Variants in CUL3 observed in about 807,000 individuals in gnomAD.
CUL3 encodes the protein cullin-3.
Under a neutral mutation model 89.1 loss-of-function variants are expected in CUL3, and 19 were observed. That is an observed-to-expected ratio of 0.21 (90% CI 0.15 to 0.31). CUL3 has a LOEUF of 0.31. Among genes scored for constraint, CUL3 ranks in the 10% least tolerant of loss-of-function variants. The pLI, the probability that CUL3 is intolerant of heterozygous loss-of-function variation, is 1.00. For synonymous variants in CUL3, 351 were observed against 308.4 expected (o/e 1.14, Z -1.45); for missense variants, 469 against 942.3 (o/e 0.50, Z 6.58).
chr2:224,547,259 ACC>A (rs1453172877), intron 2 of CUL3, among the ~76,000 whole-genome samples: 1 of 152,140 alleles, frequency 6.6e-6, no homozygotes, highest in East Asian at 1.9e-4. Flanking sequence ...ATCTAGCCCA[ACC>A]CACTTTACTA....
intron 10 of CUL3, among the ~76,000 whole-genome samples, chr2:224,501,090 T>C (rs1692369337): frequency 6.6e-6 from 1 of 152,208 alleles, no homozygotes; most frequent in South Asian, 2.1e-4. Context: ...AACTGAAAAG[T>C]TTGGGCCTTT....
chr2:224,556,958 T>TA (rs1694731319), intron 2 of CUL3, among the ~76,000 whole-genome samples: 1 of 152,050 alleles, frequency 6.6e-6, no homozygotes, highest in Admixed American at 6.6e-5. Flanking sequence ...AAATAAAACT[T>TA]AAAAAATAAA....
At chr2:224,575,046 C>T (rs975742809) in intron 1 of CUL3, among the ~76,000 whole-genome samples, 1 of 152,144 alleles carries the variant, frequency 6.6e-6, no homozygotes, top group Non-Finnish European at 1.5e-5. Flanking sequence ...CATTTTCCTT[C>T]TCTGAGACCA....
At chr2:224,575,121 T>G (rs771906702) in intron 1 of CUL3, among the ~76,000 whole-genome samples, 1 of 152,250 alleles carries the variant, frequency 6.6e-6, no homozygotes, top group African/African-American at 2.4e-5. Context: ...GGAAGAATGC[T>G]GAATGAACTT....
At chr2:224,536,654 A>T (rs775113157) in intron 2 of CUL3, among the ~76,000 whole-genome samples, 1 of 152,196 alleles carries the variant, frequency 6.6e-6, no homozygotes, top group East Asian at 1.9e-4. Flanking sequence ...TTTTGCACAT[A>T]AAGTTCCCTT....
At chr2:224,543,248 A>C in intron 2 of CUL3, among the ~76,000 whole-genome samples, 1 of 152,216 alleles carries the variant, frequency 6.6e-6, no homozygotes, top group Non-Finnish European at 1.5e-5. Flanking sequence ...CTCCAAATTC[A>C]GGACAACATT....
intron 14 of CUL3, among the ~76,000 whole-genome samples, chr2:224,481,423 C>G (rs1223176997): frequency 6.6e-6 from 1 of 151,896 alleles, no homozygotes; most frequent in Non-Finnish European, 1.5e-5. Flanking sequence ...ACATCAGTAT[C>G]ATTTCTATGT....
intron 1 of CUL3, among the ~76,000 whole-genome samples, chr2:224,560,946 T>TG (rs1694882218): frequency 6.6e-6 from 1 of 152,216 alleles, no homozygotes; most frequent in South Asian, 2.1e-4. Flanking sequence ...AACAAGCTGA[T>TG]TTCAGTGTCT....
In CUL3 at chr2:224,471,335, T is replaced by C. The variant is rs1574601909; in HGVS notation, c.*2910A>G. The C allele has an allele frequency of 4.9e-6, 1 of 202,326 alleles. No individual in the cohort carries two copies. Among genetic ancestry groups the C allele is most frequent in the East Asian group, 7.7e-5 (1 of 12,940 alleles). The allele number at this position is 202,326 out of a possible 1,614,324, so 12.5% of individuals were successfully genotyped here. A position where few individuals can be genotyped will look rare whatever the true frequency, so the allele number is the denominator to read the frequency against. ...AATCTTTAACACTAGTTACTGAAAA[T>C]GAGTATCTTAAACTGTAAACATTAA... On this transcript the variant is annotated 3_prime_UTR_variant, in exon 16 of 16. Transcript: ENST00000264414.
chr2:224,548,875 T>G (rs1481320362), intron 2 of CUL3, among the ~76,000 whole-genome samples: 2 of 151,846 alleles, frequency 1.3e-5, no homozygotes, highest in Non-Finnish European at 2.9e-5. Flanking sequence ...TGGTGGCACG[T>G]GCCGGTAGCC....
chr2:224,557,602 A>G (rs2106303710), intron 2 of CUL3, 57 bp downstream of exon 2: 1 of 1,246,614 alleles, frequency 8.0e-7, no homozygotes, highest in Non-Finnish European at 1.2e-6. Context: ...GCAATATGGT[A>G]TAAAGGATTT....
intron 2 of CUL3, among the ~76,000 whole-genome samples, chr2:224,536,951 C>T (rs559344472): frequency 7.7e-4 from 117 of 152,320 alleles, no homozygotes; most frequent in African/African-American, 2.7e-3. Flanking sequence ...ATCCAACCAA[C>T]CTTCCATAAT....
At chr2:224,580,870 G>C (rs1375912267) in intron 1 of CUL3, among the ~76,000 whole-genome samples, 1 of 115,030 alleles carries the variant, frequency 8.7e-6, no homozygotes, top group Non-Finnish European at 1.7e-5. Flanking sequence ...AATCTGAGAT[G>C]AGTGCTTGAG....
At chr2:224,520,204 A>G (rs1693210591) in intron 3 of CUL3, among the ~76,000 whole-genome samples, 1 of 152,264 alleles carries the variant, frequency 6.6e-6, no homozygotes, top group African/African-American at 2.4e-5. Context: ...TTTCATCACC[A>G]CAGAGATAAA....
intron 13 of CUL3, among the ~76,000 whole-genome samples, chr2:224,486,229 G>A (rs1450423668): frequency 1.3e-5 from 2 of 152,090 alleles, no homozygotes; most frequent in East Asian, 3.9e-4. Context: ...AGAACTCCTC[G>A]CCAGCAAGGG....
chr2:224,542,543 CTGTGTGCGTGTGCGTGTGTGTG>C (rs1216992717), intron 2 of CUL3, among the ~76,000 whole-genome samples: 5 of 147,134 alleles, frequency 3.4e-5, no homozygotes, highest in African/African-American at 1.0e-4. Context: ...GCACTTCTGG[CTGTGTGCGTGTGCGTGTGTGTG>C]TGTGTGCGCG....
In CUL3 at chr2:224,557,649, A is replaced by C; in HGVS notation, c.264+10T>G. 6.3e-7 allele frequency: 1 copy of C among 1,583,074 alleles called. No homozygotes were observed. The highest frequency in any genetic ancestry group is 8.7e-7 in the Non-Finnish European group (1 of 1,154,496). On this transcript the variant is annotated intron_variant, in intron 2 of 15. Coordinates refer to ENST00000264414, the MANE Select transcript of CUL3 (RefSeq NM_003590.5). ...TATAGTATTAGCAACAGTCCTTTAA[A>C]GTTTGATACCTTATTTATGAGATGT... is the stretch of plus-strand genomic sequence containing the variant.
chr2:224,565,832 T>C (rs1253255838), intron 1 of CUL3, among the ~76,000 whole-genome samples: 1 of 152,230 alleles, frequency 6.6e-6, no homozygotes, highest in African/African-American at 2.4e-5. Flanking sequence ...CTGGCTCTGT[T>C]GTAAATCTTG....
At chr2:224,531,435 T>TAAA (rs56899563) in intron 3 of CUL3, among the ~76,000 whole-genome samples, 191 of 148,134 alleles carry the variant, frequency 1.3e-3, no homozygotes, top group Non-Finnish European at 2.5e-3. Context: ...GTAGTTTATT[T>TAAA]AAAAAAAAAA....
Sources: allele counts gnomAD v4.1 joint callset (sites outside exome capture counted in the v4.1 genomes callset), GRCh38; gene constraint gnomAD v4.1.1; transcripts MANE v1.5; gene names NCBI Gene and HGNC (gene_info 2026-07-23, HGNC 2026-07-21).